Variants in APBA2 observed in about 807,000 individuals in gnomAD.
APBA2 encodes amyloid beta precursor protein binding family A member 2.
Under a neutral mutation model 75.0 loss-of-function variants are expected in APBA2, and 30 were observed. The observed-to-expected ratio is 0.40, with a 90% CI of 0.30 to 0.54. The LOEUF is 0.54. Ranked by LOEUF, APBA2 falls within the 20% of genes least tolerant of loss-of-function variation. The pLI is 0.49. For missense variants in APBA2, 801 were observed against 1,016.1 expected (o/e 0.79, Z 2.88); for synonymous variants, 444 against 409.6 (o/e 1.08, Z -1.01).
At chr15:28,953,015 T>C (rs990584401) in intron 2 of APBA2, among the ~76,000 whole-genome samples, 5 of 152,172 alleles carry the variant, frequency 3.3e-5, no homozygotes, top group Non-Finnish European at 5.9e-5. Context: ...AGGCGGGTCT[T>C]GTTGGTTACT....
At chr15:29,061,439 T>C (rs8029734) in intron 4 of APBA2, among the ~76,000 whole-genome samples, 3 of 152,210 alleles carry the variant, frequency 2.0e-5, no homozygotes, top group African/African-American at 7.2e-5. Flanking sequence ...AAACCAAATA[T>C]GCGTTTTGAT....
rs1463729479 is a variant in APBA2 at position 28,991,008 on chromosome 15, A to C, written c.-94-4745A>C. Among the ~76,000 whole-genome samples, 1 of 152,234 alleles carries C rather than the reference A, an allele frequency of 6.6e-6. No individual in the cohort carries two copies. Among genetic ancestry groups the C allele is most frequent in the Non-Finnish European group, 1.5e-5 (1 of 68,038 alleles). On this transcript the variant is annotated intron_variant, in intron 2 of 14. Coordinates refer to ENST00000683413, the MANE Select transcript of APBA2 (RefSeq NM_001353788.2). The surrounding 1 kb of genome is among the most constrained non-coding windows in gnomAD (Gnocchi z 4.7). ...TCTTGAGGTTTGAGCTTTCTATTCTAAAGGCTCAGCTTCTTGCCCAGGAGA... is the reference window on the plus strand; with the variant it reads ...TCTTGAGGTTTGAGCTTTCTATTCTCAAGGCTCAGCTTCTTGCCCAGGAGA...
At chr15:28,993,430 G>A (rs977458677) in intron 2 of APBA2, among the ~76,000 whole-genome samples, 1 of 152,206 alleles carries the variant, frequency 6.6e-6, no homozygotes, top group African/African-American at 2.4e-5. Flanking sequence ...GCTTTTGAGC[G>A]AAAATGCTGC....
intron 10 of APBA2, 103 bp from the exon 11 acceptor site, chr15:29,105,276 T>TA: frequency 1.7e-6 from 2 of 1,197,104 alleles, no homozygotes; most frequent in South Asian, 2.6e-5. Context: ...CTTGAAGGCT[T>TA]ATGGGTGCAT....
chr15:28,893,336 A>C (rs554024214), intron 1 of APBA2, among the ~76,000 whole-genome samples: 2 of 152,304 alleles, frequency 1.3e-5, no homozygotes, highest in South Asian at 4.1e-4. Context: ...TGTTTTACCA[A>C]CTTGCCTGCT....
At chr15:28,974,391 T>C (rs1197476363) in intron 2 of APBA2, among the ~76,000 whole-genome samples, 1 of 152,116 alleles carries the variant, frequency 6.6e-6, no homozygotes, top group Non-Finnish European at 1.5e-5. Context: ...TCCAGGACAT[T>C]GTGACTGCCT....
At chr15:28,973,812 G>A (rs932688656) in intron 2 of APBA2, among the ~76,000 whole-genome samples, 32 of 152,192 alleles carry the variant, frequency 2.1e-4, no homozygotes, top group African/African-American at 7.5e-4. Context: ...TGCCCTGCAG[G>A]TAGGAAAGTG....
At position 28,922,764 on chromosome 15, in the gene APBA2, C is replaced by T. The variant is rs1488451665; in HGVS notation, c.-95+1015C>T. Among the ~76,000 whole-genome samples, 4 of 152,192 alleles carry T rather than the reference C, an allele frequency of 2.6e-5. No individual in the cohort carries two copies. The East Asian group carries it at 7.7e-4, about 29-fold the overall frequency. The stretch of plus-strand genomic sequence containing the variant: ...TCTCTCAGGAGACATCCTAACCTGC[C>T]CAGCCTGTCCTGTTCCTGCCTCTCA... On this transcript the variant is annotated intron_variant, in intron 2 of 14. Transcript: ENST00000683413.
intron 6 of APBA2, among the ~76,000 whole-genome samples, chr15:29,080,577 A>G (rs57017137): frequency 0.12 from 18,041 of 152,068 alleles, 2,655 homozygotes; most frequent in African/African-American, 0.35. Context: ...AAACCTCCTT[A>G]TGAAAGTGCG....
rs533492701 is a variant in APBA2 at position 28,975,850 on chromosome 15, A to G, written c.-94-19903A>G. Reference sequence around the variant, plus strand: ...AAAAAACTCAAAACAAAACAATACAAGTTTGATGGCGCCCTCTATTGGCGA... The same window carrying G: ...AAAAAACTCAAAACAAAACAATACAGGTTTGATGGCGCCCTCTATTGGCGA... On this transcript the variant is annotated intron_variant, in intron 2 of 14. Transcript: ENST00000683413. Among the ~76,000 whole-genome samples, 3 of 152,318 alleles carry G rather than the reference A, an allele frequency of 2.0e-5. No individual in the cohort carries two copies. The East Asian group carries it at 5.8e-4, about 29-fold the overall frequency.
At chr15:29,012,499 A>G (rs1026194704) in intron 3 of APBA2, among the ~76,000 whole-genome samples, 4 of 152,080 alleles carry the variant, frequency 2.6e-5, no homozygotes, top group Admixed American at 1.3e-4. Flanking sequence ...TCTGAGTGTT[A>G]TGCACCATCT....
At chr15:29,026,415 G>C (rs1444313545) in intron 3 of APBA2, among the ~76,000 whole-genome samples, 1 of 152,192 alleles carries the variant, frequency 6.6e-6, no homozygotes, top group African/African-American at 2.4e-5. Context: ...TCTGTGGCTA[G>C]TTCTTTGGCA....
chr15:28,974,167 A>G (rs1318336914), intron 2 of APBA2, among the ~76,000 whole-genome samples: 3 of 152,196 alleles, frequency 2.0e-5, no homozygotes, highest in Non-Finnish European at 2.9e-5. Context: ...ATGAAGAGAG[A>G]AAAAGAGCTT....
At chr15:28,953,998 G>A (rs1216511399) in intron 2 of APBA2, among the ~76,000 whole-genome samples, 8 of 152,064 alleles carry the variant, frequency 5.3e-5, no homozygotes, top group African/African-American at 1.7e-4. Context: ...CACACAACAG[G>A]CACCAAGCTG....
In APBA2 at chr15:29,082,644, T is replaced by C. The variant is rs536966579; in HGVS notation, c.1069+6553T>C. On this transcript the variant is annotated intron_variant, in intron 6 of 14. Coordinates refer to ENST00000683413, the MANE Select transcript of APBA2 (RefSeq NM_001353788.2). ...TTACCATTCTTTTCTTCTTCTTCTT[T>C]TTTTGGTATGCTTTTTACTTTGCTA... is the stretch of plus-strand genomic sequence containing the variant. Among the ~76,000 whole-genome samples, 4 of 152,370 alleles carry C rather than the reference T, an allele frequency of 2.6e-5. No homozygotes were observed. In the South Asian group the frequency reaches 6.2e-4, roughly 24 times the overall value.
At chr15:28,975,008 C>T (rs1225547771) in intron 2 of APBA2, among the ~76,000 whole-genome samples, 1 of 152,002 alleles carries the variant, frequency 6.6e-6, no homozygotes, top group Non-Finnish European at 1.5e-5. Context: ...CTAAGCTAAT[C>T]ATGAAGGGGA....
intron 6 of APBA2, among the ~76,000 whole-genome samples, chr15:29,084,658 T>G (rs2043211461): frequency 6.6e-6 from 1 of 152,246 alleles, no homozygotes; most frequent in Admixed American, 6.5e-5. Context: ...AGGGCGCTGT[T>G]TGAATGGGGA....
At chr15:28,956,718 C>T (rs1281477763) in intron 2 of APBA2, among the ~76,000 whole-genome samples, 1 of 152,198 alleles carries the variant, frequency 6.6e-6, no homozygotes, top group Middle Eastern at 3.2e-3. Flanking sequence ...CCATTAAACA[C>T]TTAACTCCCA....
intron 3 of APBA2, among the ~76,000 whole-genome samples, chr15:29,027,791 T>C (rs1595765775): frequency 6.6e-6 from 1 of 151,898 alleles, no homozygotes; most frequent in East Asian, 1.9e-4. Flanking sequence ...TTCGTAGAGA[T>C]GGGGTTTCAC....
Sources: gnomAD v4.1 joint callset for allele counts (sites outside exome capture counted in the v4.1 genomes callset) on GRCh38, gnomAD v4.1.1 for gene constraint, Gnocchi (gnomAD v3.1) non-coding constraint, MANE v1.5 for transcripts, NCBI Gene and HGNC (gene_info 2026-07-23, HGNC 2026-07-21) for gene names.